FHIT: variants seen among roughly 807,000 people sequenced by gnomAD.
FHIT encodes fragile histidine triad diadenosine triphosphatase, also known as bis(5'-adenosyl)-triphosphatase.
In FHIT, 19 loss-of-function variants were observed where a neutral mutation model predicts 17.9. The observed-to-expected ratio is 1.06, with a 90% CI of 0.74 to 1.56. FHIT has a LOEUF of 1.56. Ranked by LOEUF, FHIT falls within the 40% of genes most tolerant of loss-of-function variation. FHIT has a pLI of 0.00. For missense variants in FHIT, 248 were observed against 189.2 expected (o/e 1.31, Z -1.82); for synonymous variants, 81 against 69.7 (o/e 1.16, Z -0.81).
chr3:61,111,093 A>C (rs113441660), intron 2 of FHIT, among the ~76,000 whole-genome samples: 3 of 152,212 alleles, frequency 2.0e-5, no homozygotes, highest in South Asian at 2.1e-4. Context: ...AGCTATATAC[A>C]TTCTAAGATT....
chr3:60,542,097 C>T (rs2036204894), intron 4 of FHIT, among the ~76,000 whole-genome samples: 1 of 152,046 alleles, frequency 6.6e-6, no homozygotes, highest in South Asian at 2.1e-4. Flanking sequence ...GGCCCTTATA[C>T]ATAATTTTTA....
At chr3:60,988,054 G>T (rs1190953611) in intron 3 of FHIT, among the ~76,000 whole-genome samples, 9 of 152,162 alleles carry the variant, frequency 5.9e-5, no homozygotes, top group Non-Finnish European at 1.0e-4. Flanking sequence ...TTCTTAGAGA[G>T]AGAGGGAATG....
At chr3:60,901,064 CCATGTTTGA>C (rs373298436) in intron 3 of FHIT, among the ~76,000 whole-genome samples, 1,555 of 152,276 alleles carry the variant, frequency 0.01, 21 homozygotes, top group Middle Eastern at 0.017. Context: ...GGAAGAATTA[CCATGTTTGA>C]CATTCTCTTA....
At chr3:61,134,934 G>A (rs1234192456) in intron 2 of FHIT, among the ~76,000 whole-genome samples, 2 of 152,100 alleles carry the variant, frequency 1.3e-5, no homozygotes, top group Admixed American at 1.3e-4. Context: ...CAGACGTCCA[G>A]GCTCCTCTTC....
intron 3 of FHIT, among the ~76,000 whole-genome samples, chr3:60,957,744 G>A (rs1553779422): frequency 6.6e-6 from 1 of 152,290 alleles, no homozygotes; most frequent in Non-Finnish European, 1.5e-5. Flanking sequence ...CCCTGATCTT[G>A]TATAAGGCAA....
intron 5 of FHIT, among the ~76,000 whole-genome samples, chr3:60,327,357 T>C (rs12498046): frequency 6.6e-6 from 1 of 152,058 alleles, no homozygotes; most frequent in African/African-American, 2.4e-5. Context: ...GTGTCAGAGA[T>C]TAGCTATTTT....
At chr3:61,066,459 C>CA (rs1334833080) in intron 2 of FHIT, among the ~76,000 whole-genome samples, 2 of 152,038 alleles carry the variant, frequency 1.3e-5, no homozygotes, top group Admixed American at 6.6e-5. Context: ...ACTAAAAATA[C>CA]AAAAAATTAG....
intron 4 of FHIT, among the ~76,000 whole-genome samples, chr3:60,755,864 G>A (rs1322892277): frequency 1.3e-5 from 2 of 152,160 alleles, no homozygotes; most frequent in Non-Finnish European, 2.9e-5. Context: ...AAGTACACAG[G>A]TTTGAATGGA....
At chr3:60,381,576 C>T (rs897612632) in intron 5 of FHIT, among the ~76,000 whole-genome samples, 3 of 152,018 alleles carry the variant, frequency 2.0e-5, no homozygotes, top group Non-Finnish European at 4.4e-5. Flanking sequence ...GATAATATTT[C>T]AAAGAACAGG....
At chr3:60,552,238 A>G (rs1488938764) in intron 4 of FHIT, among the ~76,000 whole-genome samples, 1 of 152,162 alleles carries the variant, frequency 6.6e-6, no homozygotes, top group Non-Finnish European at 1.5e-5. Context: ...TCATCAGTTG[A>G]TGGACATTTG....
intron 4 of FHIT, among the ~76,000 whole-genome samples, chr3:60,572,723 AAG>A: frequency 6.6e-6 from 1 of 152,180 alleles, no homozygotes; most frequent in Non-Finnish European, 1.5e-5. Context: ...GAAAGGATAG[AAG>A]GCTTTAGATG....
chr3:60,864,484 T>C (rs551948332), intron 3 of FHIT, among the ~76,000 whole-genome samples: 1 of 152,186 alleles, frequency 6.6e-6, no homozygotes, highest in African/African-American at 2.4e-5. Context: ...AGATTTGGGA[T>C]GAATACCTTC....
chr3:60,245,067 A>G (rs573568345), intron 5 of FHIT, among the ~76,000 whole-genome samples: 1 of 152,126 alleles, frequency 6.6e-6, no homozygotes, highest in East Asian at 1.9e-4. Context: ...CTAATCCACT[A>G]TGGTTGACAG....
At chr3:60,717,543 C>T (rs1409417727) in intron 4 of FHIT, among the ~76,000 whole-genome samples, 4 of 152,096 alleles carry the variant, frequency 2.6e-5, no homozygotes, top group African/African-American at 9.7e-5. Flanking sequence ...CAGGGCTACC[C>T]GAGCAGCAGC....
Position 60,343,017 on chromosome 3 carries a change from T to C in FHIT, c.103+193843A>G, listed in dbSNP as rs529950318. On this transcript the variant is annotated intron_variant, in intron 5 of 9. Transcript: ENST00000492590. ...CCTCTAAATAAAAAATTAGAGTCTA[T>C]AGCGATTTGTTTACAATAACAACTG... Among the ~76,000 whole-genome samples the C allele has an allele frequency of 9.2e-5, 14 of 152,282 alleles. No individual in the cohort carries two copies. The East Asian group carries it at 1.3e-3, about 15-fold the overall frequency.
intron 7 of FHIT, among the ~76,000 whole-genome samples, chr3:59,997,739 C>T (rs1683639): frequency 6.6e-6 from 1 of 152,226 alleles, no homozygotes; most frequent in South Asian, 2.1e-4. Context: ...TCATAGTCTT[C>T]CTTGACCTAA....
intron 8 of FHIT, among the ~76,000 whole-genome samples, chr3:59,774,414 C>T (rs1702212041): frequency 1.3e-5 from 2 of 152,220 alleles, no homozygotes; most frequent in African/African-American, 4.8e-5. Context: ...CACGTCTCTA[C>T]CACTTTTTGG....
At chr3:60,893,937 A>G (rs1553761301) in intron 3 of FHIT, among the ~76,000 whole-genome samples, 2 of 152,216 alleles carry the variant, frequency 1.3e-5, no homozygotes, top group African/African-American at 2.4e-5. Flanking sequence ...TACAATTTAT[A>G]TTTCCCTAGT....
intron 2 of FHIT, among the ~76,000 whole-genome samples, chr3:61,113,018 G>T (rs1332852069): frequency 6.6e-6 from 1 of 151,922 alleles, no homozygotes. Context: ...TTGTTTGTTT[G>T]TTTGAGACAG....
Sources: allele counts gnomAD v4.1 joint callset (sites outside exome capture counted in the v4.1 genomes callset), GRCh38; gene constraint gnomAD v4.1.1; transcripts MANE v1.5; gene names NCBI Gene and HGNC (gene_info 2026-07-23, HGNC 2026-07-21).